The following BANK1 variants were observed in gnomAD, a reference collection of about 807,000 sequenced individuals.
BANK1 encodes B cell scaffold protein with ankyrin repeats 1, also known as B-cell scaffold protein with ankyrin repeats.
In BANK1, 95 loss-of-function variants were observed where a neutral mutation model predicts 94.5. The ratio of observed to expected loss-of-function variants is 1.00; its 90% CI spans 0.85 to 1.19. The LOEUF (loss-of-function observed/expected upper bound fraction) is 1.19. Among genes scored for constraint, BANK1 ranks in the 50% most tolerant of loss-of-function variants. The pLI is 0.00. For synonymous variants in BANK1, 334 were observed against 308.4 expected, an observed-to-expected ratio of 1.08 and a Z score of -0.87; for missense variants, 987 against 932.2, an observed-to-expected ratio of 1.06 and a Z score of -0.77.
At chr4:101,945,912 A>C (rs58852816) in intron 7 of BANK1, among the ~76,000 whole-genome samples, 121 of 152,096 alleles carry the variant, frequency 8.0e-4, no homozygotes, top group African/African-American at 2.8e-3. Flanking sequence ...TAAATATTAC[A>C]AAATTGGCAA....
intron 7 of BANK1, 63 bp from the exon 8 acceptor site, chr4:102,021,451 A>G (rs1726896089): frequency 1.7e-6 from 1 of 601,832 alleles, no homozygotes; most frequent in Non-Finnish European, 2.8e-6. Flanking sequence ...TCTTATTTGC[A>G]CAGGCATCCA....
chr4:101,957,890 G>A (rs1470722645), intron 7 of BANK1, among the ~76,000 whole-genome samples: 1 of 149,234 alleles, frequency 6.7e-6, no homozygotes, highest in East Asian at 2.0e-4. Context: ...TGTCGCCCAG[G>A]CTGGAATGCA....
chr4:101,932,035 A>C (rs1317472635), intron 7 of BANK1, among the ~76,000 whole-genome samples: 1 of 151,388 alleles, frequency 6.6e-6, no homozygotes, highest in Non-Finnish European at 1.5e-5. Flanking sequence ...GGTAATTTTC[A>C]AGTACTTCCT....
At chr4:101,859,394 A>G (rs1727790353) in intron 3 of BANK1, among the ~76,000 whole-genome samples, 1 of 152,212 alleles carries the variant, frequency 6.6e-6, no homozygotes, top group South Asian at 2.1e-4. Context: ...TAAATGCCAC[A>G]TTGCAGACCA....
chr4:101,794,626 T>C (rs1725093347), intron 1 of BANK1, among the ~76,000 whole-genome samples: 1 of 152,112 alleles, frequency 6.6e-6, no homozygotes, highest in Non-Finnish European at 1.5e-5. Flanking sequence ...TAAGTTTTAG[T>C]GCAGACATTG....
At chr4:101,911,323 T>C (rs1418984042) in intron 6 of BANK1, among the ~76,000 whole-genome samples, 3 of 152,222 alleles carry the variant, frequency 2.0e-5, no homozygotes, top group Non-Finnish European at 1.5e-5. Flanking sequence ...GACTCTCAAG[T>C]TTTCCTGCCT....
intron 1 of BANK1, 152 bp from the exon 2 acceptor site, chr4:101,829,656 A>G (rs1323554328): frequency 4.8e-6 from 2 of 419,060 alleles, no homozygotes; most frequent in Non-Finnish European, 8.2e-6. Flanking sequence ...TTAATCTATG[A>G]TTTTTTATAC....
intron 9 of BANK1, 149 bp from the exon 10 acceptor site, chr4:102,029,811 A>T (rs112207433): frequency 3.3e-6 from 2 of 615,162 alleles, no homozygotes; most frequent in Non-Finnish European, 5.5e-6. Flanking sequence ...CATATAAATT[A>T]TTCTCCTGGA....
At chr4:101,815,440 T>A (rs1725878503) in intron 1 of BANK1, among the ~76,000 whole-genome samples, 1 of 152,134 alleles carries the variant, frequency 6.6e-6, no homozygotes, top group South Asian at 2.1e-4. Flanking sequence ...ACATATGTCA[T>A]TTTGAGGTCT....
chr4:101,845,238 C>A (rs1382698231), intron 2 of BANK1, among the ~76,000 whole-genome samples: 1 of 151,886 alleles, frequency 6.6e-6, no homozygotes, highest in South Asian at 2.1e-4. Context: ...TATGTACCAA[C>A]AAAAGTTAAA....
chr4:101,806,240 T>C (rs1282864948), intron 1 of BANK1, among the ~76,000 whole-genome samples: 1 of 152,184 alleles, frequency 6.6e-6, no homozygotes, highest in African/African-American at 2.4e-5. Flanking sequence ...ATATATTTAA[T>C]ATTTGTACAT....
intron 2 of BANK1, among the ~76,000 whole-genome samples, chr4:101,847,210 TGTGTG>T (rs1292926126): frequency 6.8e-6 from 1 of 146,368 alleles, no homozygotes; most frequent in Non-Finnish European, 1.5e-5. Context: ...TGTGTGTGTG[TGTGTG>T]TGTGTGTGTG....
chr4:101,841,759 A>G (rs58131565), intron 2 of BANK1, among the ~76,000 whole-genome samples: 21 of 143,712 alleles, frequency 1.5e-4, no homozygotes, highest in East Asian at 1.1e-3. Flanking sequence ...ATATCTCCCA[A>G]TGCTATCCCT....
intron 7 of BANK1, among the ~76,000 whole-genome samples, chr4:102,007,083 T>TATATATAA (rs1726297048): frequency 2.8e-5 from 2 of 72,310 alleles, no homozygotes; most frequent in Non-Finnish European, 6.7e-5. Context: ...TATATATAAA[T>TATATATAA]ATATATATAA....
intron 7 of BANK1, among the ~76,000 whole-genome samples, chr4:101,980,521 T>C (rs1201478638): frequency 6.6e-6 from 1 of 151,932 alleles, no homozygotes; most frequent in Non-Finnish European, 1.5e-5. Flanking sequence ...CTGATAAGGC[T>C]GCTCCCCTCC....
intron 13 of BANK1, among the ~76,000 whole-genome samples, chr4:102,064,716 A>ATATT (rs1728532876): frequency 6.6e-6 from 1 of 152,334 alleles, no homozygotes; most frequent in Admixed American, 6.5e-5. Context: ...GAAGCAAGTG[A>ATATT]TATTAGGAGG....
intron 1 of BANK1, among the ~76,000 whole-genome samples, chr4:101,822,896 T>G (rs1301716787): frequency 6.6e-6 from 1 of 152,178 alleles, no homozygotes; most frequent in Non-Finnish European, 1.5e-5. Flanking sequence ...ATTACACATA[T>G]GAGCCACCGC....
At chr4:101,890,285 G>T (rs2148889117) in intron 5 of BANK1, among the ~76,000 whole-genome samples, 1 of 152,074 alleles carries the variant, frequency 6.6e-6, no homozygotes, top group Middle Eastern at 3.4e-3. Context: ...TGTCATTGTG[G>T]AGTTGTCTGT....
Position 101,945,268 on chromosome 4 carries a change from A to G in BANK1, c.1206+27079A>G, listed in dbSNP as rs568769746. Among the ~76,000 whole-genome samples the G allele has an allele frequency of 5.3e-5, 8 of 152,092 alleles. No homozygotes were observed. In the East Asian group the frequency reaches 9.7e-4, roughly 18 times the overall value. ...AACTTGAATTGATACTAGGAAGGCC[A>G]TATCTGTTACTGATTAAATTATTTT... On this transcript the variant is annotated intron_variant, in intron 7 of 16. Transcript: ENST00000322953.
Sources: allele counts gnomAD v4.1 joint callset (sites outside exome capture counted in the v4.1 genomes callset), GRCh38; gene constraint gnomAD v4.1.1; transcripts MANE v1.5; gene names NCBI Gene and HGNC (gene_info 2026-07-23, HGNC 2026-07-21).